The following CC2D2A variants were observed in gnomAD, a reference collection of about 807,000 sequenced individuals.
The protein encoded by CC2D2A is coiled-coil and C2 domain containing 2A.
CC2D2A carries 155 observed loss-of-function variants against 212.9 expected under a neutral mutation model. The observed-to-expected ratio is 0.73, with a 90% CI of 0.64 to 0.83. The LOEUF (loss-of-function observed/expected upper bound fraction) is 0.83, where lower values mean the gene tolerates loss of function less well. Among genes scored for constraint, CC2D2A ranks in the 40% least tolerant of loss-of-function variants. CC2D2A has a pLI of 0.00. For synonymous variants in CC2D2A, 667 were observed against 686.5 expected, an observed-to-expected ratio of 0.97 and a Z score of 0.44; for missense variants, 1,856 against 1,956.2, an observed-to-expected ratio of 0.95 and a Z score of 0.97.
intron 23 of CC2D2A, among the ~76,000 whole-genome samples, chr4:15,562,333 T>C (rs981553349): frequency 6.6e-6 from 1 of 152,254 alleles, no homozygotes; most frequent in South Asian, 2.1e-4. Flanking sequence ...TTTGGCTGTT[T>C]CACACAGCCA....
At chr4:15,475,032 T>C (rs1179171516) in intron 1 of CC2D2A, among the ~76,000 whole-genome samples, 1 of 152,210 alleles carries the variant, frequency 6.6e-6, no homozygotes, top group Non-Finnish European at 1.5e-5. Context: ...TCCCAGCACT[T>C]TGTGAGGCCC....
At chr4:15,600,620 T>C (rs575117308) in intron 36 of CC2D2A, among the ~76,000 whole-genome samples, 73 of 152,194 alleles carry the variant, frequency 4.8e-4, no homozygotes, top group African/African-American at 1.3e-3. Context: ...ACGAAAATTA[T>C]TGTCGGGCGC....
Position 15,587,840 on chromosome 4 carries a change from G to T in CC2D2A, c.4090G>T (p.Asp1364Tyr), listed in dbSNP as rs768130176. The change falls in exon 32 of 37, where the codon GAT becomes TAT. Residue 1364 changes from aspartate (D) to tyrosine (Y), a missense_variant. Coordinates refer to ENST00000424120, the MANE Select transcript of CC2D2A (RefSeq NM_001378615.1). ...GCAATTTCTTGATCTCCTGGCAGGG[G>T]ATGAAGAAGAACATGCAGTACTATT... ...SDQFLDLLAGDEEEHAVLLCN... is the reference protein window; with the variant it reads ...SDQFLDLLAGYEEEHAVLLCN... 1.2e-6 allele frequency: 2 copies of T among 1,612,450 alleles called. No homozygotes were observed. Among genetic ancestry groups the T allele is most frequent in the East Asian group, 2.2e-5 (1 of 44,876 alleles).
In CC2D2A at chr4:15,527,490, G is replaced by A. The variant is rs200429882; in HGVS notation, c.1193G>A (p.Gly398Glu). 93 of 1,613,634 alleles carry A rather than the reference G, an allele frequency of 5.8e-5. No homozygotes were observed. The highest frequency in any genetic ancestry group is 1.8e-5 in the Non-Finnish European group (21 of 1,179,728). Residue 398 changes from glycine to glutamate, a missense_variant, in exon 12 of 37, where the codon GGA (glycine) becomes GAA (glutamate). Coordinates refer to ENST00000424120, the MANE Select transcript of CC2D2A (RefSeq NM_001378615.1). ...VHSSQHVIRS[G>E]DPPGNFQLDI... is the part of the protein sequence containing the mutation. ...AGTAGTCAGCATGTGATCAGATCTG[G>A]AGACCCTCCTGGAAATTTCCAACTG...
intron 10 of CC2D2A, 97 bp from the exon 11 acceptor site, chr4:15,516,528 T>G: frequency 8.1e-7 from 1 of 1,230,706 alleles, no homozygotes; most frequent in South Asian, 1.6e-5. Context: ...GAAATATATA[T>G]GTTGACACAG....
chr4:15,484,582 G>A (rs1714893356), intron 4 of CC2D2A, among the ~76,000 whole-genome samples: 1 of 152,140 alleles, frequency 6.6e-6, no homozygotes, highest in Non-Finnish European at 1.5e-5. Context: ...TAGTGGAAGG[G>A]GTGGAAAGAG....
intron 17 of CC2D2A, among the ~76,000 whole-genome samples, chr4:15,542,196 C>T (rs939295388): frequency 3.3e-5 from 5 of 152,124 alleles, no homozygotes; most frequent in South Asian, 2.1e-4. Context: ...CAAATTAGGT[C>T]GCATTCTGAG....
intron 31 of CC2D2A, among the ~76,000 whole-genome samples, 190 bp from the exon 32 acceptor site, chr4:15,587,626 A>G (rs1720909437): frequency 6.6e-6 from 1 of 152,236 alleles, no homozygotes; most frequent in African/African-American, 2.4e-5. Flanking sequence ...AATGTCAGAG[A>G]AAACACCATG....
At chr4:15,470,801 GAATTT>G (rs1713761842) in intron 1 of CC2D2A, among the ~76,000 whole-genome samples, 2 of 149,646 alleles carry the variant, frequency 1.3e-5, no homozygotes, top group Admixed American at 6.7e-5. Context: ...ACCAGGCAAT[GAATTT>G]AAGTTTAGAG....
intron 26 of CC2D2A, among the ~76,000 whole-genome samples, chr4:15,568,735 C>A (rs927316661): frequency 6.6e-6 from 1 of 152,182 alleles, no homozygotes; most frequent in Admixed American, 6.5e-5. Flanking sequence ...CCCTGCCATG[C>A]AGAGGCACGG....
chr4:15,553,327 T>C (rs772323766), intron 19 of CC2D2A, 22 bp downstream of exon 19: 19 of 1,609,752 alleles, frequency 1.2e-5, no homozygotes, highest in African/African-American at 1.3e-5. Flanking sequence ...CAAGAGTAAA[T>C]TGATGAGCAA....
At chr4:15,597,624 T>C (rs1194082439) in intron 35 of CC2D2A, among the ~76,000 whole-genome samples, 159 bp downstream of exon 35, 5 of 152,220 alleles carry the variant, frequency 3.3e-5, no homozygotes, top group Non-Finnish European at 7.3e-5. Flanking sequence ...CTAAATCCCA[T>C]GGCTCAAAAG....
chr4:15,476,840 G>A (rs190300506), intron 2 of CC2D2A, among the ~76,000 whole-genome samples: 1 of 152,300 alleles, frequency 6.6e-6, no homozygotes, highest in African/African-American at 2.4e-5. Flanking sequence ...TTTGGAGACT[G>A]CAGACCATCC....
At chr4:15,495,935 C>A (rs1209861063) in intron 4 of CC2D2A, among the ~76,000 whole-genome samples, 1 of 152,158 alleles carries the variant, frequency 6.6e-6, no homozygotes, top group Non-Finnish European at 1.5e-5. Context: ...GCCATTTTGA[C>A]TGGTGTAAGA....
At chr4:15,540,297 T>C (rs1718360090) in intron 16 of CC2D2A, among the ~76,000 whole-genome samples, 1 of 152,054 alleles carries the variant, frequency 6.6e-6, no homozygotes, top group Non-Finnish European at 1.5e-5. Context: ...TGTTTTTTTT[T>C]TTAACTTTCT....
At chr4:15,514,993 A>G in intron 9 of CC2D2A, 124 bp downstream of exon 9, 1 of 820,270 alleles carries the variant, frequency 1.2e-6, no homozygotes, top group Non-Finnish European at 1.9e-6. Flanking sequence ...CTAACAATCA[A>G]GAAATATCTT....
At chr4:15,475,131 G>A (rs758725946) in intron 1 of CC2D2A, among the ~76,000 whole-genome samples, 9 of 152,076 alleles carry the variant, frequency 5.9e-5, no homozygotes, top group Non-Finnish European at 1.0e-4. Context: ...AAAATTAGCC[G>A]GGCGTGGTGG....
chr4:15,487,474 A>C (rs1207088367), intron 4 of CC2D2A, among the ~76,000 whole-genome samples: 1 of 151,966 alleles, frequency 6.6e-6, no homozygotes, highest in African/African-American at 2.4e-5. Context: ...TGCTCTTTTT[A>C]CATTTCCATT....
At chr4:15,526,182 G>T (rs964741668) in intron 11 of CC2D2A, among the ~76,000 whole-genome samples, 3 of 152,226 alleles carry the variant, frequency 2.0e-5, no homozygotes, top group Non-Finnish European at 4.4e-5. Flanking sequence ...GCTGCTTGAA[G>T]ACAGGCTGTA....
Sources: gnomAD v4.1 joint callset for allele counts (sites outside exome capture counted in the v4.1 genomes callset) on GRCh38, gnomAD v4.1.1 for gene constraint, MANE v1.5 for transcripts, NCBI Gene and HGNC (gene_info 2026-07-23, HGNC 2026-07-21) for gene names.